Variants in ARHGAP31 observed in about 807,000 individuals in gnomAD.
ARHGAP31 encodes the protein rho GTPase-activating protein 31.
Under a neutral mutation model 113.9 loss-of-function variants are expected in ARHGAP31, and 34 were observed. The ratio of observed to expected loss-of-function variants is 0.30; its 90% confidence interval spans 0.23 to 0.40. The LOEUF (loss-of-function observed/expected upper bound fraction) is 0.40. Among genes scored for constraint, ARHGAP31 ranks in the 10% least tolerant of loss-of-function variants. The probability of loss-of-function intolerance (pLI) is 1.00; values close to 1 mark genes in which losing one functional copy is unlikely to be tolerated. For missense variants in ARHGAP31, 1,548 were observed against 1,767.1 expected (o/e 0.88, Z 2.22); for synonymous variants, 650 against 684.8 (o/e 0.95, Z 0.79).
chr3:119,357,539 A>G (rs2080168888), intron 1 of ARHGAP31, among the ~76,000 whole-genome samples: 1 of 152,216 alleles, frequency 6.6e-6, no homozygotes, highest in Non-Finnish European at 1.5e-5. Flanking sequence ...AAAAGATAAA[A>G]TATATTCCCT....
In ARHGAP31 at chr3:119,355,314, A is replaced by T. The variant is rs144620969; in HGVS notation, c.101-10002A>T. ...CAGTTATAGAATGGAGAATGCTATA[A>T]AACAAACAAACAAATAAAAACCCAC... On this transcript the variant is annotated intron_variant, in intron 1 of 11. Transcript: ENST00000264245. 2.5e-3 allele frequency among the ~76,000 whole-genome samples: 377 copies of T among 152,302 alleles called. 4 individuals carry two copies. Among genetic ancestry groups the T allele is most frequent in the African/African-American group, 8.4e-3 (351 of 41,560 alleles).
At chr3:119,391,149 C>G (rs1049189568) in intron 7 of ARHGAP31, among the ~76,000 whole-genome samples, 166 bp downstream of exon 7, 1 of 152,146 alleles carries the variant, frequency 6.6e-6, no homozygotes, top group African/African-American at 2.4e-5. Flanking sequence ...CTCTACAACT[C>G]TCTCACCAGC....
At chr3:119,348,319 G>A (rs770397839) in intron 1 of ARHGAP31, among the ~76,000 whole-genome samples, 3 of 152,094 alleles carry the variant, frequency 2.0e-5, no homozygotes, top group African/African-American at 7.2e-5. Flanking sequence ...TTCAATCATC[G>A]CAAAACCATC....
At chr3:119,395,412 G>A (rs1384249648) in intron 8 of ARHGAP31, among the ~76,000 whole-genome samples, 1 of 152,204 alleles carries the variant, frequency 6.6e-6, no homozygotes, top group Non-Finnish European at 1.5e-5. Flanking sequence ...CAGGGGCTCT[G>A]TCATGATTTC....
chr3:119,310,928 G>A (rs2079674578), intron 1 of ARHGAP31, among the ~76,000 whole-genome samples: 1 of 152,146 alleles, frequency 6.6e-6, no homozygotes, highest in Admixed American at 6.5e-5. Flanking sequence ...GCTTTTAAAG[G>A]GGAAAAGACA....
At chr3:119,382,588 G>A (rs1339012130) in intron 5 of ARHGAP31, among the ~76,000 whole-genome samples, 189 bp downstream of exon 5, 1 of 152,206 alleles carries the variant, frequency 6.6e-6, no homozygotes, top group Non-Finnish European at 1.5e-5. Flanking sequence ...CTGCTAACTT[G>A]GAAACTCTGA....
Position 119,365,414 on chromosome 3 carries a change from C to G in ARHGAP31, c.199C>G (p.Leu67Val), listed in dbSNP as rs777986579. 6.2e-7 allele frequency: 1 copy of G among 1,612,926 alleles called. No individual in the cohort carries two copies. The highest frequency in any genetic ancestry group is 1.1e-5 in the South Asian group (1 of 91,060). The change falls in exon 2 of 12, where the codon CTA (leucine) becomes GTA (valine). Residue 67 changes from leucine to valine, a missense_variant. Coordinates refer to ENST00000264245, the MANE Select transcript of ARHGAP31 (RefSeq NM_020754.4). The part of the protein sequence containing the change: ...LSGVTSNIQR[L>V]RQEFGSDQCP... The stretch of plus-strand genomic sequence containing the variant: ...AGGAGTCACCTCAAACATACAACGG[C>G]TAAGGTAAGCTAAAAGAATAGCCCT...
intron 1 of ARHGAP31, among the ~76,000 whole-genome samples, chr3:119,354,860 A>G (rs1385916335): frequency 6.6e-6 from 1 of 151,764 alleles, no homozygotes; most frequent in Non-Finnish European, 1.5e-5. Flanking sequence ...ATTTATATAT[A>G]ATTTTAATTT....
intron 1 of ARHGAP31, among the ~76,000 whole-genome samples, chr3:119,359,508 C>T (rs1009741699): frequency 2.6e-5 from 4 of 151,364 alleles, no homozygotes; most frequent in Admixed American, 1.3e-4. Flanking sequence ...AACTTTTCAA[C>T]ATTTATTTAA....
intron 1 of ARHGAP31, among the ~76,000 whole-genome samples, chr3:119,310,181 G>A (rs1419894539): frequency 3.3e-5 from 5 of 152,162 alleles, no homozygotes; most frequent in South Asian, 2.1e-4. Flanking sequence ...ATCACATTGG[G>A]TAATTGAATG....
chr3:119,319,386 T>G (rs534406327), intron 1 of ARHGAP31, among the ~76,000 whole-genome samples: 1 of 152,316 alleles, frequency 6.6e-6, no homozygotes, highest in East Asian at 1.9e-4. Flanking sequence ...TCTGCTGTAA[T>G]AACTTTTAAA....
chr3:119,398,284 A>G (rs1248449861), intron 8 of ARHGAP31, among the ~76,000 whole-genome samples: 1 of 152,178 alleles, frequency 6.6e-6, no homozygotes, highest in Non-Finnish European at 1.5e-5. Flanking sequence ...ATAAATAAAT[A>G]AAAATAAATT....
intron 10 of ARHGAP31, among the ~76,000 whole-genome samples, chr3:119,403,949 G>T (rs11921098): frequency 0.11 from 17,278 of 152,172 alleles, 2,407 homozygotes; most frequent in African/African-American, 0.33. Context: ...ATGGGAAAAT[G>T]TCCATAAAAT....
rs577852646 is a variant in ARHGAP31, at chr3:119,321,299, T to C, written c.100+26295T>C. Among the ~76,000 whole-genome samples, 26 of 147,244 alleles carry C rather than the reference T, an allele frequency of 1.8e-4. 1 individual carries two copies. In the South Asian group the frequency reaches 5.2e-3, roughly 30 times the overall value. Reference sequence around the variant, plus strand: ...ATATACTATATATATATATATAGTATATATATATGTATTATGTATATATAA... The same window carrying C: ...ATATACTATATATATATATATAGTACATATATATGTATTATGTATATATAA... On this transcript the variant is annotated intron_variant, in intron 1 of 11. Transcript: ENST00000264245.
chr3:119,365,300 C>A lies in ARHGAP31; in HGVS notation c.101-16C>A, dbSNP rs772308862. On this transcript the variant is annotated splice_polypyrimidine_tract_variant and intron_variant, in intron 1 of 11. Coordinates refer to ENST00000264245, the MANE Select transcript of ARHGAP31 (RefSeq NM_020754.4). ...ACATCTAATACTTAATTGTTTTTTT[C>A]TTTTCTTTTACATAGTTCCATACGT... is the stretch of plus-strand genomic sequence containing the variant. 1.9e-6 allele frequency: 3 copies of A among 1,605,472 alleles called. No homozygotes were observed. In the African/African-American group the frequency reaches 4.0e-5, roughly 22 times the overall value.
intron 1 of ARHGAP31, among the ~76,000 whole-genome samples, chr3:119,358,519 CAT>C (rs1402738086): frequency 6.6e-6 from 1 of 152,160 alleles, no homozygotes; most frequent in African/African-American, 2.4e-5. Context: ...GAATTGAAAA[CAT>C]ATATCCATAC....
At chr3:119,316,431 C>T (rs541807693) in intron 1 of ARHGAP31, among the ~76,000 whole-genome samples, 1 of 152,314 alleles carries the variant, frequency 6.6e-6, no homozygotes, top group Admixed American at 6.5e-5. Context: ...CCCACCATTT[C>T]CCTAGGAAGC....
rs774644225 is a variant in ARHGAP31 at position 119,414,267 on chromosome 3, C to G, written c.2338C>G (p.Pro780Ala). The G allele has an allele frequency of 6.2e-6, 10 of 1,614,146 alleles. No homozygotes were observed. The highest frequency in any genetic ancestry group is 1.7e-5 in the Admixed American group (1 of 60,032). The change falls in exon 12 of 12, where the codon CCA becomes GCA. Residue 780 changes from proline to alanine, a missense_variant. Pro to Ala is a conservative substitution (Grantham distance 27, BLOSUM62 -1). Transcript: ENST00000264245. ...EVGGPGNLSPPLPPAPPPPTP... is the reference protein window; with the variant it reads ...EVGGPGNLSPALPPAPPPPTP... ...AGGAGGCCCAGGCAATCTGTCTCCTCCACTCCCACCTGCTCCTCCCCCTCC... is the reference window on the plus strand; with the variant it reads ...AGGAGGCCCAGGCAATCTGTCTCCTGCACTCCCACCTGCTCCTCCCCCTCC...
At chr3:119,392,340 C>T (rs531167476) in intron 7 of ARHGAP31, among the ~76,000 whole-genome samples, 7 of 152,152 alleles carry the variant, frequency 4.6e-5, no homozygotes, top group Non-Finnish European at 7.4e-5. Context: ...CCCAGCTACT[C>T]GGGAGGCCGA....
Sources: gnomAD v4.1 joint callset for allele counts (sites outside exome capture counted in the v4.1 genomes callset) on GRCh38, gnomAD v4.1.1 for gene constraint, MANE v1.5 for transcripts, NCBI Gene and HGNC (gene_info 2026-07-23, HGNC 2026-07-21) for gene names.